The following SAP130 variants were observed in gnomAD, a reference collection of about 807,000 sequenced individuals.
SAP130 encodes the protein Sin3A associated protein 130.
In SAP130, 16 loss-of-function variants were observed where a neutral mutation model predicts 103.2. That is an observed-to-expected ratio of 0.16 (90% CI 0.10 to 0.24). The LOEUF is 0.24. Among genes scored for constraint, SAP130 ranks in the 10% least tolerant of loss-of-function variants. The probability of loss-of-function intolerance (pLI) is 1.00; values close to 1 mark genes in which losing one functional copy is unlikely to be tolerated. For missense variants in SAP130, 990 were observed against 1,359.7 expected (o/e 0.73, Z 4.28); for synonymous variants, 477 against 497.0 (o/e 0.96, Z 0.53).
intron 2 of SAP130, among the ~76,000 whole-genome samples, chr2:128,021,513 T>C (rs1179078390): frequency 6.6e-6 from 1 of 152,018 alleles, no homozygotes; most frequent in East Asian, 1.9e-4. Flanking sequence ...TTTTTCACTA[T>C]ATATTGACTT....
In SAP130 at chr2:127,941,800, C is replaced by T; in HGVS notation, c.*206G>A. ...ACAGATCAGGTTTAACAGGGGTGCA[C>T]CCGAACGCAAGAAGGCAGCTCACTA... On this transcript the variant is annotated 3_prime_UTR_variant, in exon 21 of 21. Transcript: ENST00000643581. The T allele has an allele frequency of 5.3e-6, 3 of 562,390 alleles. No homozygotes were observed. Among genetic ancestry groups the T allele is most frequent in the East Asian group, 3.2e-5 (1 of 31,564 alleles). 34.8% of individuals were successfully genotyped at this position (562,390 alleles called of 1,614,324 possible). A position where few individuals can be genotyped will look rare whatever the true frequency, so the allele number is the denominator to read the frequency against.
At chr2:127,959,605 A>T (rs1364555017) in intron 15 of SAP130, among the ~76,000 whole-genome samples, 2 of 152,200 alleles carry the variant, frequency 1.3e-5, no homozygotes, top group African/African-American at 4.8e-5. Flanking sequence ...AGTATAACCT[A>T]TATATAAATC....
intron 15 of SAP130, among the ~76,000 whole-genome samples, chr2:127,961,850 T>C (rs922890928): frequency 6.6e-6 from 1 of 151,966 alleles, no homozygotes. Flanking sequence ...GCATGAAAAC[T>C]ATGGGGGTGG....
At chr2:128,011,572 CGTCTT>C (rs1440862094) in intron 6 of SAP130, among the ~76,000 whole-genome samples, 2 of 152,180 alleles carry the variant, frequency 1.3e-5, no homozygotes, top group Non-Finnish European at 2.9e-5. Flanking sequence ...TCTTGGTTCT[CGTCTT>C]CCTCCAACCC....
intron 5 of SAP130, 134 bp from the exon 6 acceptor site, chr2:128,013,288 C>G: frequency 1.4e-6 from 1 of 718,696 alleles, no homozygotes; most frequent in Non-Finnish European, 2.1e-6. Context: ...CATTTCATCA[C>G]AGAGAAAACA....
intron 15 of SAP130, among the ~76,000 whole-genome samples, chr2:127,957,829 G>A (rs925248223): frequency 2.0e-5 from 3 of 152,054 alleles, no homozygotes; most frequent in African/African-American, 7.2e-5. Flanking sequence ...AGAGAGAAGA[G>A]AGACAGTAAA....
intron 6 of SAP130, among the ~76,000 whole-genome samples, chr2:128,012,133 G>C (rs1019429055): frequency 2.6e-5 from 4 of 152,146 alleles, no homozygotes; most frequent in Non-Finnish European, 5.9e-5. Flanking sequence ...TCTTTCAACA[G>C]TATTACTTTA....
intron 9 of SAP130, 72 bp downstream of exon 9, chr2:127,999,984 A>G: frequency 6.6e-7 from 1 of 1,507,490 alleles, no homozygotes; most frequent in Non-Finnish European, 9.2e-7. Context: ...TGAAGGTGAG[A>G]AATGAAAAAT....
intron 4 of SAP130, among the ~76,000 whole-genome samples, chr2:128,016,082 A>G (rs1284686157): frequency 1.3e-5 from 2 of 152,040 alleles, no homozygotes; most frequent in Admixed American, 1.3e-4. Context: ...AAAACCAAAC[A>G]CGAACCGGAC....
At chr2:127,959,226 G>A (rs1680062747) in intron 15 of SAP130, among the ~76,000 whole-genome samples, 1 of 152,130 alleles carries the variant, frequency 6.6e-6, no homozygotes, top group South Asian at 2.1e-4. Context: ...TCCCGGACAG[G>A]GCGCTGGAGA....
chr2:128,001,588 T>A (rs1683564770), intron 7 of SAP130, among the ~76,000 whole-genome samples: 1 of 152,236 alleles, frequency 6.6e-6, no homozygotes, highest in Admixed American at 6.5e-5. Context: ...ATTTTTACTG[T>A]ACCTTTTCTG....
At chr2:127,947,100 G>A (rs1197675539) in intron 18 of SAP130, among the ~76,000 whole-genome samples, 1 of 151,488 alleles carries the variant, frequency 6.6e-6, no homozygotes, top group African/African-American at 2.4e-5. Context: ...ATGGAGGCAG[G>A]GACTGGAGTG....
chr2:127,994,751 C>T (rs970596275), intron 11 of SAP130, among the ~76,000 whole-genome samples: 3 of 152,188 alleles, frequency 2.0e-5, no homozygotes, highest in African/African-American at 4.8e-5. Flanking sequence ...GAGCAAGATC[C>T]TGTCTCAAAA....
intron 14 of SAP130, among the ~76,000 whole-genome samples, chr2:127,980,399 G>A (rs147238479): frequency 9.5e-4 from 144 of 152,236 alleles, no homozygotes; most frequent in Non-Finnish European, 1.8e-3. Context: ...GTGTTGGTGA[G>A]GATGAAACAA....
intron 3 of SAP130, among the ~76,000 whole-genome samples, chr2:128,016,961 T>C (rs1240825280): frequency 6.6e-6 from 1 of 152,194 alleles, no homozygotes; most frequent in African/African-American, 2.4e-5. Flanking sequence ...TAACCAGTTA[T>C]TAAAACAAAC....
intron 14 of SAP130, among the ~76,000 whole-genome samples, chr2:127,979,828 T>C (rs1267161138): frequency 6.6e-6 from 1 of 151,930 alleles, no homozygotes; most frequent in Non-Finnish European, 1.5e-5. Flanking sequence ...GCTGATAAGC[T>C]GAGAACTAAA....
intron 14 of SAP130, among the ~76,000 whole-genome samples, chr2:127,979,354 C>T (rs140802517): frequency 6.6e-6 from 1 of 152,150 alleles, no homozygotes; most frequent in Admixed American, 6.5e-5. Context: ...TAATACATGT[C>T]TGTTGCCTTA....
intron 2 of SAP130, 41 bp from the exon 3 acceptor site, chr2:128,017,956 C>T (rs1684890632): frequency 6.6e-7 from 1 of 1,513,506 alleles, no homozygotes; most frequent in Non-Finnish European, 9.1e-7. Flanking sequence ...GTCACAGTCT[C>T]CCAGTGTAAG....
At chr2:127,982,628 T>C (rs1053525224) in intron 14 of SAP130, among the ~76,000 whole-genome samples, 2 of 152,242 alleles carry the variant, frequency 1.3e-5, no homozygotes, top group Non-Finnish European at 2.9e-5. Context: ...TTTAAGACCT[T>C]AGTGCGTCTG....
Sources: gnomAD v4.1 joint callset for allele counts (sites outside exome capture counted in the v4.1 genomes callset) on GRCh38, gnomAD v4.1.1 for gene constraint, MANE v1.5 for transcripts, NCBI Gene and HGNC (gene_info 2026-07-23, HGNC 2026-07-21) for gene names.